Variants in G3BP1 observed in about 807,000 individuals in gnomAD.
G3BP1 encodes the protein ras GTPase-activating protein-binding protein 1.
Under a neutral mutation model 58.6 loss-of-function variants are expected in G3BP1, and 35 were observed. That is an observed-to-expected ratio of 0.60 (90% confidence interval 0.46 to 0.79). The LOEUF is 0.79. Among genes scored for constraint, G3BP1 ranks in the 30% least tolerant of loss-of-function variants. The pLI, the probability that G3BP1 is intolerant of heterozygous loss-of-function variation, is 0.00. For missense variants in G3BP1, 523 were observed against 580.8 expected, an observed-to-expected ratio of 0.90 and a Z score of 1.02; for synonymous variants, 191 against 195.4, an observed-to-expected ratio of 0.98 and a Z score of 0.19.
In G3BP1 at chr5:151,809,278, A is replaced by G. The variant is rs1306660306; in HGVS notation, c.*5187A>G. 1 of 152,188 alleles carries G rather than the reference A, an allele frequency of 6.6e-6. No individual in the cohort carries two copies. The highest frequency in any genetic ancestry group is 1.9e-4 in the East Asian group (1 of 5,194). The allele number at this position is 152,188 out of a possible 1,614,324, so 9.4% of individuals were successfully genotyped here. On this transcript the variant is annotated 3_prime_UTR_variant, in exon 12 of 12. Transcript: ENST00000356245. ...CCTAAATTTTAAAATTTTGTTATGA[A>G]GATTGGATGTACACTGATTTGGCCC...
chr5:151,778,299 G>C (rs1762407576), intron 1 of G3BP1, among the ~76,000 whole-genome samples: 1 of 152,154 alleles, frequency 6.6e-6, no homozygotes, highest in South Asian at 2.1e-4. Context: ...ATTGTGACAG[G>C]TGTTTAGTGG....
intron 2 of G3BP1, chr5:151,786,956 C>T: frequency 3.6e-6 from 1 of 281,494 alleles, no homozygotes; most frequent in Non-Finnish European, 6.6e-6. Context: ...GATTCTTCTG[C>T]CCCAGCCTCC....
chr5:151,802,197 AT>A (rs1294409003), intron 11 of G3BP1, among the ~76,000 whole-genome samples: 1 of 152,188 alleles, frequency 6.6e-6, no homozygotes, highest in East Asian at 1.9e-4. Context: ...TTATTTGACC[AT>A]TTATTTTTGT....
intron 6 of G3BP1, among the ~76,000 whole-genome samples, chr5:151,797,002 C>G (rs1487901577): frequency 6.8e-6 from 1 of 146,688 alleles, no homozygotes; most frequent in African/African-American, 2.5e-5. Context: ...TGTCCTGATT[C>G]ATTTGCTTAT....
In G3BP1 at chr5:151,795,524, C is replaced by T. The variant is rs772151096; in HGVS notation, c.488C>T (p.Pro163Leu). Residue 163 changes from proline to leucine, a missense_variant, in exon 6 of 12, where the codon CCT becomes CTT. This residue lies in a region of G3BP1 where 398 missense variants were observed against 399.1 expected (regional missense o/e 1.00). Transcript: ENST00000356245. ...GAACCTGAAGAAAGACAGCAAACAC[C>T]TGAGGTGGTACCTGATGATTCTGGA... ...VEEPEERQQTPEVVPDDSGTF... is the reference protein window; with the variant it reads ...VEEPEERQQTLEVVPDDSGTF... 6.2e-7 allele frequency: 1 copy of T among 1,608,078 alleles called. No homozygotes were observed. Among genetic ancestry groups the T allele is most frequent in the East Asian group, 2.2e-5 (1 of 44,800 alleles).
chr5:151,788,286 G>GC (rs1762585534), intron 2 of G3BP1, among the ~76,000 whole-genome samples: 1 of 152,064 alleles, frequency 6.6e-6, no homozygotes, highest in African/African-American at 2.4e-5. Context: ...GAAAGGTAGG[G>GC]CATTGTAAGA....
intron 9 of G3BP1, 77 bp downstream of exon 9, chr5:151,800,077 T>C: frequency 1.7e-6 from 2 of 1,177,460 alleles, no homozygotes; most frequent in Middle Eastern, 2.0e-4. Flanking sequence ...AGTTGATATT[T>C]ATATACTTTA....
chr5:151,807,045 G>C lies in G3BP1; in HGVS notation c.*2954G>C, dbSNP rs1445757320. 6.6e-6 allele frequency: 1 copy of C among 152,136 alleles called. No homozygotes were observed. Among genetic ancestry groups the C allele is most frequent in the Admixed American group, 6.5e-5 (1 of 15,274 alleles). 9.4% of individuals were successfully genotyped at this position (152,136 alleles called of 1,614,324 possible). Reference sequence around the variant, plus strand: ...ACTGTATTTTTGTTTTAGTGGTGAGGTTGGGTTTTACTTTGTGTATTCCAG... The same window carrying C: ...ACTGTATTTTTGTTTTAGTGGTGAGCTTGGGTTTTACTTTGTGTATTCCAG... On this transcript the variant is annotated 3_prime_UTR_variant, in exon 12 of 12. Transcript: ENST00000356245.
chr5:151,800,606 T>G (rs2113249455), intron 10 of G3BP1, among the ~76,000 whole-genome samples, 154 bp from the exon 11 acceptor site: 1 of 152,338 alleles, frequency 6.6e-6, no homozygotes, highest in East Asian at 1.9e-4. Context: ...AATTTTACAC[T>G]TATGAGAGGC....
At chr5:151,780,550 G>T (rs958135815) in intron 1 of G3BP1, among the ~76,000 whole-genome samples, 6 of 152,030 alleles carry the variant, frequency 3.9e-5, no homozygotes, top group Admixed American at 1.3e-4. Flanking sequence ...TTGCTCATTC[G>T]CCTAGGCTGG....
intron 11 of G3BP1, among the ~76,000 whole-genome samples, chr5:151,803,634 C>G (rs1009084529): frequency 4.6e-5 from 7 of 152,054 alleles, no homozygotes; most frequent in African/African-American, 1.7e-4. Flanking sequence ...GCTGGAACTA[C>G]AGGCGTGTGT....
chr5:151,778,325 A>C (rs1762408289), intron 1 of G3BP1, among the ~76,000 whole-genome samples: 1 of 152,078 alleles, frequency 6.6e-6, no homozygotes, highest in South Asian at 2.1e-4. Flanking sequence ...CACAGGTTTT[A>C]ATTTGCATTT....
chr5:151,809,802 C>CT lies in G3BP1; in HGVS notation c.*5711_*5712insT, dbSNP rs1234031207. 6.6e-6 allele frequency: 1 copy of CT among 152,196 alleles called. No homozygotes were observed. Among genetic ancestry groups the CT allele is most frequent in the Non-Finnish European group, 1.5e-5 (1 of 68,038 alleles). 9.4% of individuals were successfully genotyped at this position (152,196 alleles called of 1,614,324 possible). On this transcript the variant is annotated 3_prime_UTR_variant, in exon 12 of 12. Coordinates refer to ENST00000356245, the MANE Select transcript of G3BP1 (RefSeq NM_005754.3). ...GAAGGTATCACTTTTTGTATGTTCA[C>CT]CCAGTTGCTTCTGTAGTTTTCATAC...
At chr5:151,795,005 C>T (rs897013386) in intron 5 of G3BP1, among the ~76,000 whole-genome samples, 2 of 152,204 alleles carry the variant, frequency 1.3e-5, no homozygotes, top group African/African-American at 4.8e-5. Context: ...AGGCTGGGCG[C>T]GGTGGCTCAC....
intron 8 of G3BP1, among the ~76,000 whole-genome samples, chr5:151,799,614 G>A (rs898701725): frequency 1.3e-5 from 2 of 151,944 alleles, no homozygotes; most frequent in East Asian, 3.9e-4. Flanking sequence ...GAGTCCCGGA[G>A]GTTGAGGCTG....
At chr5:151,782,761 T>TC (rs1198218857) in intron 1 of G3BP1, among the ~76,000 whole-genome samples, 6 of 151,596 alleles carry the variant, frequency 4.0e-5, no homozygotes, top group South Asian at 2.1e-4. Flanking sequence ...AAAAAATTAT[T>TC]CCCCCCCAGA....
chr5:151,781,028 A>AT (rs1412755635), intron 1 of G3BP1, among the ~76,000 whole-genome samples: 2 of 151,982 alleles, frequency 1.3e-5, no homozygotes, highest in Non-Finnish European at 2.9e-5. Flanking sequence ...ATATTGGAAA[A>AT]TTTTTTTTGG....
chr5:151,795,369 GTTTA>G, intron 5 of G3BP1, 106 bp from the exon 6 acceptor site: 1 of 648,252 alleles, frequency 1.5e-6, no homozygotes, highest in Non-Finnish European at 2.7e-6. Flanking sequence ...GTCCTACTTT[GTTTA>G]TTTATATATG....
At chr5:151,776,331 C>T (rs1489933440) in intron 1 of G3BP1, among the ~76,000 whole-genome samples, 3 of 152,096 alleles carry the variant, frequency 2.0e-5, no homozygotes, top group African/African-American at 7.2e-5. Context: ...TTTTTTTCCC[C>T]TTTAGATACT....
Sources: allele counts gnomAD v4.1 joint callset (sites outside exome capture counted in the v4.1 genomes callset), GRCh38; gene constraint gnomAD v4.1.1; regional missense constraint gnomAD v4.1.1; transcripts MANE v1.5; gene names NCBI Gene and HGNC (gene_info 2026-07-23, HGNC 2026-07-21).